Variants in GUSB observed in about 807,000 individuals in gnomAD.
GUSB encodes the protein beta-glucuronidase.
Under a neutral mutation model 74.6 loss-of-function variants are expected in GUSB, and 51 were observed. That is an observed-to-expected ratio of 0.68 (90% CI 0.55 to 0.86). The LOEUF is 0.86. GUSB is among the 40% of genes least tolerant of loss of function. The probability of loss-of-function intolerance (pLI) is 0.00; values close to 1 mark genes in which losing one functional copy is unlikely to be tolerated. For synonymous variants in GUSB, 360 were observed against 348.3 expected (o/e 1.03, Z -0.37); for missense variants, 736 against 853.7 (o/e 0.86, Z 1.72).
intron 11 of GUSB, among the ~76,000 whole-genome samples, chr7:65,962,351 C>T (rs577038593): frequency 1.3e-5 from 2 of 152,250 alleles, no homozygotes; most frequent in South Asian, 4.2e-4. Flanking sequence ...ATTCTCTGTC[C>T]CCAGTAAGAC....
At chr7:65,966,386 G>T (rs1790836744) in intron 10 of GUSB, among the ~76,000 whole-genome samples, 1 of 152,028 alleles carries the variant, frequency 6.6e-6, no homozygotes, top group African/African-American at 2.4e-5. Context: ...TGAGCTGGCT[G>T]GGGTGGGAAT....
intron 11 of GUSB, among the ~76,000 whole-genome samples, chr7:65,961,579 CA>C (rs745643272): frequency 3.3e-5 from 5 of 152,130 alleles, no homozygotes; most frequent in Admixed American, 6.5e-5. Context: ...GAAAAAAACC[CA>C]AAACAGTGGC....
intron 10 of GUSB, among the ~76,000 whole-genome samples, chr7:65,965,752 T>C (rs1237315360): frequency 6.6e-6 from 1 of 152,178 alleles, no homozygotes; most frequent in South Asian, 2.1e-4. Flanking sequence ...CTCAAACTCC[T>C]GGGCTCAAGA....
chr7:65,964,903 T>C (rs1268651921), intron 10 of GUSB, among the ~76,000 whole-genome samples: 1 of 150,846 alleles, frequency 6.6e-6, no homozygotes, highest in Non-Finnish European at 1.5e-5. Flanking sequence ...ACCCCATCTC[T>C]ACAAAAAGTA....
At chr7:65,967,673 G>A in intron 10 of GUSB, 58 bp downstream of exon 10, 3 of 1,397,276 alleles carry the variant, frequency 2.1e-6, no homozygotes, top group Middle Eastern at 1.8e-4. Context: ...GGCTGGAGGA[G>A]GTGAGTGACA....
At chr7:65,966,474 G>C (rs1226147072) in intron 10 of GUSB, among the ~76,000 whole-genome samples, 1 of 151,834 alleles carries the variant, frequency 6.6e-6, no homozygotes, top group Non-Finnish European at 1.5e-5. Context: ...TTGGTGAGGA[G>C]GACAAAAAAA....
rs748161388 is a variant in GUSB, at chr7:65,979,896, C to T, written c.412G>A (p.Asp138Asn). The T allele has an allele frequency of 5.0e-6, 8 of 1,601,860 alleles. No homozygotes were observed. The highest frequency in any genetic ancestry group is 1.7e-5 in the Admixed American group (1 of 57,510). Residue 138 changes from aspartate (D) to asparagine (N), a missense_variant, in exon 3 of 12, where the codon GAC becomes AAC. Transcript: ENST00000304895. ...TAGCCCCCCTCATGCTCTAGCGTGT[C>T]GACCCCATTCACCCACTGCAGACAC... ...SYAIVWVNGV[D>N]TLEHEGGYLP... is the part of the protein sequence containing the mutation.
chr7:65,967,597 T>C, intron 10 of GUSB, 134 bp downstream of exon 10: 1 of 779,096 alleles, frequency 1.3e-6, no homozygotes. Flanking sequence ...TGAGGGAACG[T>C]GGACGGGGCC....
Position 65,960,709 on chromosome 7 carries a change from C to CTCTT in GUSB, c.*184_*187dup. The CTCTT allele has an allele frequency of 1.6e-6, 1 of 612,046 alleles. No homozygotes were observed. Among genetic ancestry groups the CTCTT allele is most frequent in the South Asian group, 1.9e-5 (1 of 52,126 alleles). 37.9% of individuals were successfully genotyped at this position (612,046 alleles called of 1,614,324 possible). A position where few individuals can be genotyped will look rare whatever the true frequency, so the allele number is the denominator to read the frequency against. On this transcript the variant is annotated 3_prime_UTR_variant, in exon 12 of 12. Coordinates refer to ENST00000304895, the MANE Select transcript of GUSB (RefSeq NM_000181.4). ...TTTTCAGTAGCCACTTTCATGCCAA[C>CTCTT]TCTTTATTTCCATAATAGAAAATCT...
chr7:65,981,919 C>G lies in GUSB; in HGVS notation c.210+55G>C, dbSNP rs934658732. ...GAAGTCTGCGGGGGGCCCGGGCTCCCCTACTCCCACCGCCGGGCTTTCGGG... is the reference window on the plus strand; with the variant it reads ...GAAGTCTGCGGGGGGCCCGGGCTCCGCTACTCCCACCGCCGGGCTTTCGGG... On this transcript the variant is annotated intron_variant, in intron 1 of 11. Transcript: ENST00000304895. The G allele has an allele frequency of 2.0e-6, 3 of 1,484,430 alleles. No individual in the cohort carries two copies. In the African/African-American group the frequency reaches 4.2e-5, roughly 21 times the overall value. 92.0% of individuals were successfully genotyped at this position (1,484,430 alleles called of 1,614,324 possible).
In GUSB at chr7:65,967,793, T is replaced by C; in HGVS notation, c.1591A>G (p.Lys531Glu). The C allele has an allele frequency of 6.2e-7, 1 of 1,613,242 alleles. No individual in the cohort carries two copies. The highest frequency in any genetic ancestry group is 1.1e-5 in the South Asian group (1 of 91,080). The change falls in exon 10 of 12, where the codon AAG becomes GAG. Residue 531 changes from lysine (K) to glutamate (E), a missense_variant. Coordinates refer to ENST00000304895, the MANE Select transcript of GUSB (RefSeq NM_000181.4). ...LATQFENWYK[K>E]YQKPIIQSEY... ...CTCTGAATAATGGGCTTCTGATACT[T>C]CTTATACCAGTTCTCAAACTGGGTG...
chr7:65,966,765 CACA>C (rs751904898), intron 10 of GUSB, among the ~76,000 whole-genome samples: 7 of 151,838 alleles, frequency 4.6e-5, no homozygotes, highest in South Asian at 2.1e-4. Context: ...GCCTGGGCAA[CACA>C]ACAAGACCCT....
intron 8 of GUSB, among the ~76,000 whole-genome samples, chr7:65,970,635 T>G (rs1791137491): frequency 6.6e-6 from 1 of 152,154 alleles, no homozygotes; most frequent in Non-Finnish European, 1.5e-5. Context: ...GGCTCACGCC[T>G]GTAATCCCAG....
chr7:65,980,643 A>T (rs1207193872), intron 1 of GUSB: 1 of 561,288 alleles, frequency 1.8e-6, no homozygotes, highest in African/African-American at 1.9e-5. Flanking sequence ...ATCTCCTGAG[A>T]CAGGAGCAAG....
Position 65,979,494 on chromosome 7 carries a change from T to C in GUSB, c.629A>G (p.Asn210Ser), listed in dbSNP as rs1028540671. 2 of 1,613,998 alleles carry C rather than the reference T, an allele frequency of 1.2e-6. No homozygotes were observed. The highest frequency in any genetic ancestry group is 1.7e-6 in the Non-Finnish European group (2 of 1,179,934). Residue 210 changes from asparagine (N) to serine (S), a missense_variant, in exon 4 of 12, where the codon AAC becomes AGC. By Grantham distance (46) the Asn-to-Ser change is conservative. Transcript: ENST00000304895. ...FVQNTYFDFFNYAGLQRSVLL... is the reference protein window; with the variant it reads ...FVQNTYFDFFSYAGLQRSVLL... ...TACAGACCGCTGCAGTCCAGCGTAG[T>C]TGAAAAAGTCAAAATATGTGTTCTG...
At chr7:65,971,500 G>A (rs925302916) in intron 8 of GUSB, among the ~76,000 whole-genome samples, 5 of 152,106 alleles carry the variant, frequency 3.3e-5, no homozygotes, top group Non-Finnish European at 7.4e-5. Flanking sequence ...AGGCCGAGGC[G>A]GGTGGATCAT....
At chr7:65,964,602 G>A in intron 10 of GUSB, 144 bp from the exon 11 acceptor site, 1 of 716,478 alleles carries the variant, frequency 1.4e-6, no homozygotes, top group Non-Finnish European at 2.5e-6. Context: ...TGATGCTGGG[G>A]TAAAGACAGC....
At position 65,979,453 on chromosome 7, in the gene GUSB, G is replaced by C; in HGVS notation, c.670C>G (p.Pro224Ala). The C allele has an allele frequency of 6.2e-7, 1 of 1,613,994 alleles. No homozygotes were observed. Among genetic ancestry groups the C allele is most frequent in the Non-Finnish European group, 8.5e-7 (1 of 1,179,890 alleles). Reference sequence around the variant, plus strand: ...GTGATGTCATCGATGTAGGTGGTGGGTGTCGTGTACAGAAGTACAGACCGC... The same window carrying C: ...GTGATGTCATCGATGTAGGTGGTGGCTGTCGTGTACAGAAGTACAGACCGC... ...LQRSVLLYTT[P>A]TTYIDDITVT... The change falls in exon 4 of 12, where the codon CCC (proline) becomes GCC (alanine). Residue 224 changes from proline to alanine, a missense_variant. This residue lies in a region of GUSB where 368 missense variants were observed against 363.8 expected (regional missense o/e 1.01). Transcript: ENST00000304895.
intron 4 of GUSB, among the ~76,000 whole-genome samples, chr7:65,977,145 TTC>T (rs1791638070): frequency 6.6e-6 from 1 of 152,100 alleles, no homozygotes; most frequent in African/African-American, 2.4e-5. Flanking sequence ...CTGTCCTGAA[TTC>T]TGTGTCTCAG....
Sources: allele counts gnomAD v4.1 joint callset (sites outside exome capture counted in the v4.1 genomes callset), GRCh38; gene constraint gnomAD v4.1.1; regional missense constraint gnomAD v4.1.1; transcripts MANE v1.5; gene names NCBI Gene and HGNC (gene_info 2026-07-23, HGNC 2026-07-21).